BRAF: variants seen among roughly 807,000 people sequenced by gnomAD.
The protein encoded by BRAF is B-Raf proto-oncogene, serine/threonine kinase.
In BRAF, 16 loss-of-function variants were observed where a neutral mutation model predicts 104.6. The observed-to-expected ratio is 0.15, with a 90% CI of 0.10 to 0.23. BRAF has a LOEUF of 0.23. BRAF is among the 10% of genes least tolerant of loss of function. The pLI is 1.00. For synonymous variants in BRAF, 310 were observed against 341.6 expected (o/e 0.91, Z 1.02); for missense variants, 541 against 937.3 (o/e 0.58, Z 5.52).
chr7:140,764,425 A>G (rs1799100252), intron 14 of BRAF, among the ~76,000 whole-genome samples: 1 of 150,182 alleles, frequency 6.7e-6, no homozygotes, highest in Non-Finnish European at 1.5e-5. Flanking sequence ...CCTATTCAAC[A>G]TAGTGTTGGA....
At chr7:140,871,646 A>AT (rs1811610079) in intron 1 of BRAF, among the ~76,000 whole-genome samples, 1 of 152,238 alleles carries the variant, frequency 6.6e-6, no homozygotes, top group Non-Finnish European at 1.5e-5. Context: ...GAATGAGGAG[A>AT]TGAACTAAGG....
At chr7:140,903,984 C>A (rs769585907) in intron 1 of BRAF, among the ~76,000 whole-genome samples, 6 of 152,212 alleles carry the variant, frequency 3.9e-5, no homozygotes, top group Non-Finnish European at 8.8e-5. Flanking sequence ...GGTTTCTTGA[C>A]ATGAACTCTA....
intron 18 of BRAF, among the ~76,000 whole-genome samples, chr7:140,736,717 G>A (rs1444515063): frequency 4.0e-5 from 6 of 149,584 alleles, no homozygotes; most frequent in Admixed American, 4.0e-4. Context: ...GTGAGCCACC[G>A]TGCCTGGCCT....
At chr7:140,785,385 C>T (rs2129029129) in intron 10 of BRAF, among the ~76,000 whole-genome samples, 1 of 152,256 alleles carries the variant, frequency 6.6e-6, no homozygotes, top group East Asian at 1.9e-4. Context: ...TATTTATTCC[C>T]ACCCACTAAG....
At chr7:140,807,071 A>G (rs183322580) in intron 5 of BRAF, among the ~76,000 whole-genome samples, 90 of 152,300 alleles carry the variant, frequency 5.9e-4, no homozygotes, top group Non-Finnish European at 1.0e-3. Context: ...ATTTTAGGGG[A>G]TAAGTTCTCA....
intron 1 of BRAF, among the ~76,000 whole-genome samples, chr7:140,893,098 A>G (rs1406236445): frequency 1.3e-5 from 2 of 152,160 alleles, no homozygotes; most frequent in Non-Finnish European, 2.9e-5. Context: ...CCAAAATGGC[A>G]GGAAGGGGAA....
rs587778113 is a variant in BRAF, at chr7:140,924,643, C to G, written c.61G>C (p.Gly21Arg). The change falls in exon 1 of 20, where the codon GGG becomes CGG. Residue 21 changes from glycine (G) to arginine (R), a missense_variant. Gly to Arg is a moderately radical substitution (Grantham distance 125). This residue lies in a region of BRAF where 82 missense variants were observed against 65.9 expected (regional missense o/e 1.24). Coordinates refer to ENST00000644969, the MANE Select transcript of BRAF (RefSeq NM_001374258.1). This position sits in a 1 kb window ranked among gnomAD's most constrained non-coding sequence, Gnocchi z 4.2. ...GAEPGQALFN[G>R]DMEPEAGAGA... ...GCGCCGGCCTCGGGCTCCATGTCCC[C>G]GTTGAACAGAGCCTGGCCCGGCTCC... 8.1e-6 allele frequency: 12 copies of G among 1,472,850 alleles called. No homozygotes were observed. The highest frequency in any genetic ancestry group is 4.2e-5 in the African/African-American group (3 of 71,006). The allele number at this position is 1,472,850 out of a possible 1,614,324, so 91.2% of individuals were successfully genotyped here.
intron 1 of BRAF, among the ~76,000 whole-genome samples, chr7:140,915,401 G>C (rs1294762224): frequency 6.6e-6 from 1 of 150,398 alleles, no homozygotes; most frequent in Non-Finnish European, 1.5e-5. Context: ...TAAAACAAAA[G>C]TATTCCCCAA....
chr7:140,846,110 A>G (rs571974138), intron 2 of BRAF, among the ~76,000 whole-genome samples: 8 of 152,304 alleles, frequency 5.3e-5, no homozygotes, highest in African/African-American at 1.9e-4. Flanking sequence ...GCAACTCCAG[A>G]AAAAATAATC....
At chr7:140,717,892 A>AT (rs1234577061), downstream of BRAF, among the ~76,000 whole-genome samples, 1 of 152,112 alleles carries the variant, frequency 6.6e-6, no homozygotes, top group Non-Finnish European at 1.5e-5. Context: ...CTTGACATTT[A>AT]TTTTTATTTT....
At chr7:140,851,277 ATTCTGT>A (rs779582344) in intron 1 of BRAF, among the ~76,000 whole-genome samples, 44 of 152,206 alleles carry the variant, frequency 2.9e-4, no homozygotes, top group Non-Finnish European at 5.4e-4. Context: ...TATACGGAAG[ATTCTGT>A]TTCTAAGTTG....
Position 140,722,922 on chromosome 7 carries a change from A to G in BRAF, c.*3572T>C. 9.5e-7 allele frequency: 1 copy of G among 1,055,464 alleles called. No homozygotes were observed. The highest frequency in any genetic ancestry group is 1.1e-6 in the Non-Finnish European group (1 of 873,194). The allele number at this position is 1,055,464 out of a possible 1,614,324, so 65.4% of individuals were successfully genotyped here. On this transcript the variant is annotated 3_prime_UTR_variant, in exon 20 of 20. Coordinates refer to ENST00000644969, the MANE Select transcript of BRAF (RefSeq NM_001374258.1). ...TCCGAGCAACACATTTTTTTACAGT[A>G]TTACTGCTTAAATGTATAATGCCCT...
At chr7:140,793,628 G>T (rs1281606718) in intron 8 of BRAF, among the ~76,000 whole-genome samples, 1 of 152,044 alleles carries the variant, frequency 6.6e-6, no homozygotes, top group African/African-American at 2.4e-5. Context: ...AGCACAAATT[G>T]AAATTCTTTT....
intron 14 of BRAF, among the ~76,000 whole-genome samples, chr7:140,759,318 C>A (rs749926325): frequency 3.9e-5 from 6 of 152,192 alleles, no homozygotes; most frequent in Non-Finnish European, 7.4e-5. Flanking sequence ...AAAATCTTTA[C>A]CAGCAATGTA....
chr7:140,776,391 G>A (rs1012338880), intron 14 of BRAF, among the ~76,000 whole-genome samples: 4 of 152,084 alleles, frequency 2.6e-5, no homozygotes, highest in Non-Finnish European at 4.4e-5. Flanking sequence ...CCCCATATTA[G>A]CTTATGGTAA....
chr7:140,871,239 CAAAAAA>C (rs11284186), intron 1 of BRAF, among the ~76,000 whole-genome samples: 52 of 61,174 alleles, frequency 8.5e-4, no homozygotes, highest in Non-Finnish European at 1.5e-3. Flanking sequence ...GACTCCGTCT[CAAAAAA>C]AAAAAAAAAA....
At chr7:140,810,029 G>A (rs1804073617) in intron 3 of BRAF, among the ~76,000 whole-genome samples, 1 of 152,154 alleles carries the variant, frequency 6.6e-6, no homozygotes, top group Admixed American at 6.5e-5. Flanking sequence ...ATTGGGAGGT[G>A]TAAGAAGAAG....
At chr7:140,781,516 A>G in intron 12 of BRAF, 60 bp downstream of exon 11, 1 of 1,426,592 alleles carries the variant, frequency 7.0e-7, no homozygotes, top group Non-Finnish European at 9.9e-7. Flanking sequence ...TTTACAAAAT[A>G]AAAGTTGTTA....
chr7:140,843,813 G>A (rs1407080685), intron 2 of BRAF, among the ~76,000 whole-genome samples: 1 of 152,002 alleles, frequency 6.6e-6, no homozygotes, highest in African/African-American at 2.4e-5. Flanking sequence ...AGACCATCTT[G>A]GCTAACACGG....
Sources: gnomAD v4.1 joint callset for allele counts (sites outside exome capture counted in the v4.1 genomes callset) on GRCh38, gnomAD v4.1.1 for gene constraint, gnomAD v4.1.1 regional missense constraint, Gnocchi (gnomAD v3.1) non-coding constraint, MANE v1.5 for transcripts, NCBI Gene and HGNC (gene_info 2026-07-23, HGNC 2026-07-21) for gene names.